Variants in SYCP1 observed in about 807,000 individuals in gnomAD.
SYCP1 encodes the protein cancer/testis antigen 8.
Under a neutral mutation model 153.1 loss-of-function variants are expected in SYCP1, and 64 were observed. The observed-to-expected ratio is 0.42, with a 90% confidence interval of 0.34 to 0.51. The LOEUF (loss-of-function observed/expected upper bound fraction) is 0.51, where lower values mean the gene tolerates loss of function less well. Ranked by LOEUF, SYCP1 falls within the 20% of genes least tolerant of loss-of-function variation. The probability of loss-of-function intolerance (pLI) is 0.06; values close to 1 mark genes in which losing one functional copy is unlikely to be tolerated. For missense variants in SYCP1, 997 were observed against 1,049.0 expected, an observed-to-expected ratio of 0.95 and a Z score of 0.68; for synonymous variants, 384 against 341.8, an observed-to-expected ratio of 1.12 and a Z score of -1.36.
chr1:114,958,482 T>C (rs1671573256), intron 27 of SYCP1, among the ~76,000 whole-genome samples: 1 of 152,174 alleles, frequency 6.6e-6, no homozygotes, highest in Non-Finnish European at 1.5e-5. Flanking sequence ...TTTGAGATGA[T>C]AGATATCCTA....
At chr1:114,861,853 G>A (rs1438222916) in intron 8 of SYCP1, among the ~76,000 whole-genome samples, 1 of 147,752 alleles carries the variant, frequency 6.8e-6, no homozygotes, top group Non-Finnish European at 1.5e-5. Context: ...AACCTGGAGT[G>A]TAATGGTGTG....
At chr1:114,863,430 G>A (rs1421761747) in intron 8 of SYCP1, among the ~76,000 whole-genome samples, 2 of 152,140 alleles carry the variant, frequency 1.3e-5, no homozygotes, top group Non-Finnish European at 2.9e-5. Flanking sequence ...GCACGCGCCT[G>A]TAGTCCCAGC....
chr1:114,918,316 T>C lies in SYCP1; in HGVS notation c.1718+4271T>C, dbSNP rs183299929. 3.3e-3 allele frequency among the ~76,000 whole-genome samples: 509 copies of C among 152,246 alleles called. 5 individuals carry two copies. Among genetic ancestry groups the C allele is most frequent in the Non-Finnish European group, 3.5e-3 (240 of 67,978 alleles). Reference sequence around the variant, plus strand: ...GTTCACTGCAGATGAATGGATTTGTTTGTGAGTTCTCTGTTCTGTTTCATT... The same window carrying C: ...GTTCACTGCAGATGAATGGATTTGTCTGTGAGTTCTCTGTTCTGTTTCATT... On this transcript the variant is annotated intron_variant, in intron 20 of 31. Transcript: ENST00000369522.
rs973005615 is a variant in SYCP1 at position 114,910,491 on chromosome 1, A to C, written c.1415A>C (p.Gln472Pro). The change falls in exon 17 of 32, where the codon CAA becomes CCA. Residue 472 changes from glutamine (Q) to proline (P), a missense_variant. By Grantham distance (76) the Gln-to-Pro change is moderately conservative. Around this residue, in one of 2 missense-constraint regions of SYCP1, gnomAD observed 712 missense variants for 682.9 expected, o/e 1.04. Coordinates refer to ENST00000369522, the MANE Select transcript of SYCP1 (RefSeq NM_003176.4). ...GTEQELIGLLQAREKEVHDLE... is the reference protein window; with the variant it reads ...GTEQELIGLLPAREKEVHDLE... ...GAACAAGAACTAATTGGTCTTCTCC[A>C]AGCCAGAGAGGTTTGTTTAAGGAAA... is the stretch of plus-strand genomic sequence containing the variant. 3.2e-6 allele frequency: 5 copies of C among 1,567,856 alleles called. No individual in the cohort carries two copies. The highest frequency in any genetic ancestry group is 3.4e-6 in the Non-Finnish European group (4 of 1,160,426).
chr1:114,857,156 A>AAAAAG (rs774041717), intron 3 of SYCP1, 76 bp from the exon 4 acceptor site: 24 of 921,048 alleles, frequency 2.6e-5, no homozygotes, highest in African/African-American at 3.4e-5. Flanking sequence ...AAAAAAAAAA[A>AAAAAG]AGAGAAAAAA....
intron 27 of SYCP1, among the ~76,000 whole-genome samples, chr1:114,948,828 G>A (rs1036017966): frequency 1.3e-5 from 2 of 152,102 alleles, no homozygotes; most frequent in Non-Finnish European, 2.9e-5. Context: ...TACTGTTTCA[G>A]TAGAAGAGGA....
intron 12 of SYCP1, among the ~76,000 whole-genome samples, chr1:114,881,056 T>TATATACACACAC (rs375436670): frequency 0.03 from 4,358 of 144,928 alleles, 100 homozygotes; most frequent in Non-Finnish European, 0.036. Context: ...TTTGTGTATA[T>TATATACACACAC]ACACACACAC....
intron 21 of SYCP1, among the ~76,000 whole-genome samples, chr1:114,924,844 G>A (rs1180265436): frequency 1.3e-5 from 2 of 151,872 alleles, no homozygotes; most frequent in African/African-American, 4.8e-5. Context: ...AAGAGTTTGA[G>A]GTCATTGAAG....
At chr1:114,870,021 A>T (rs1169112714) in intron 8 of SYCP1, among the ~76,000 whole-genome samples, 2 of 151,966 alleles carry the variant, frequency 1.3e-5, no homozygotes, top group Non-Finnish European at 2.9e-5. Flanking sequence ...TTATTTATTT[A>T]TTTATTTTTT....
At chr1:114,949,398 T>C (rs1286836285) in intron 27 of SYCP1, among the ~76,000 whole-genome samples, 1 of 152,188 alleles carries the variant, frequency 6.6e-6, no homozygotes, top group Admixed American at 6.5e-5. Context: ...CAGGTTCTTA[T>C]CAGGAATGCT....
chr1:114,973,768 C>G (rs1672637218), intron 27 of SYCP1, among the ~76,000 whole-genome samples: 1 of 151,656 alleles, frequency 6.6e-6, no homozygotes, highest in Non-Finnish European at 1.5e-5. Context: ...CTGGCTTTAC[C>G]ATCTTTACCA....
chr1:114,961,442 T>G (rs1015941457), intron 27 of SYCP1, among the ~76,000 whole-genome samples: 4 of 152,226 alleles, frequency 2.6e-5, no homozygotes, highest in African/African-American at 9.6e-5. Flanking sequence ...GATTGTCTAT[T>G]TGTGCTCTTT....
chr1:114,979,356 A>C (rs1673002788), intron 28 of SYCP1, among the ~76,000 whole-genome samples: 1 of 151,822 alleles, frequency 6.6e-6, no homozygotes, highest in Non-Finnish European at 1.5e-5. Flanking sequence ...GACATAGCAC[A>C]TGCCTTATAA....
chr1:114,984,311 G>A (rs181588799), intron 29 of SYCP1, among the ~76,000 whole-genome samples: 3 of 152,176 alleles, frequency 2.0e-5, no homozygotes, highest in Admixed American at 2.0e-4. Flanking sequence ...ATAAAAATAA[G>A]CAAGCATATT....
chr1:114,874,472 A>C (rs7518392), intron 8 of SYCP1, 34 bp from the exon 9 acceptor site: 87,604 of 1,311,204 alleles, frequency 0.067, 3,258 homozygotes, highest in Middle Eastern at 0.14. Flanking sequence ...TCTTATTTTA[A>C]AATTTAATCT....
intron 16 of SYCP1, among the ~76,000 whole-genome samples, chr1:114,899,880 C>A (rs943648033): frequency 2.0e-5 from 3 of 152,126 alleles, no homozygotes; most frequent in Non-Finnish European, 2.9e-5. Context: ...AAAAGCCTGG[C>A]GTCAGGAAAG....
chr1:114,876,644 TAA>T lies in SYCP1; in HGVS notation c.728-91_728-90del, dbSNP rs746195149. The T allele has an allele frequency of 1.8e-4, 103 of 583,476 alleles. 1 individual carries two copies. The East Asian group carries it at 3.9e-3, about 22-fold the overall frequency. 36.1% of individuals were successfully genotyped at this position (583,476 alleles called of 1,614,324 possible). A position where few individuals can be genotyped will look rare whatever the true frequency, so the allele number is the denominator to read the frequency against. On this transcript the variant is annotated intron_variant, in intron 10 of 31. Coordinates refer to ENST00000369522, the MANE Select transcript of SYCP1 (RefSeq NM_003176.4). The stretch of plus-strand genomic sequence containing the variant: ...GAGTTTAATATAATTTAGAGATAAA[TAA>T]AGAGGTGAAATAAACTTTAAATTTT...
At chr1:114,877,965 G>C (rs1207094679) in intron 11 of SYCP1, 129 bp from the exon 12 acceptor site, 1 of 558,330 alleles carries the variant, frequency 1.8e-6, no homozygotes, top group Non-Finnish European at 3.2e-6. Flanking sequence ...GTAGAGACCA[G>C]GGTGGGAGGG....
At chr1:114,874,673 A>G (rs1311788830) in intron 9 of SYCP1, 109 bp downstream of exon 9, 7 of 635,452 alleles carry the variant, frequency 1.1e-5, no homozygotes, top group Non-Finnish European at 1.8e-5. Context: ...ATTATTATTT[A>G]TTTGTTGATA....
Sources: allele counts gnomAD v4.1 joint callset (sites outside exome capture counted in the v4.1 genomes callset), GRCh38; gene constraint gnomAD v4.1.1; regional missense constraint gnomAD v4.1.1; transcripts MANE v1.5; gene names NCBI Gene and HGNC (gene_info 2026-07-23, HGNC 2026-07-21).